Variants in CCNB3 observed in about 807,000 individuals in gnomAD.
CCNB3 encodes cyclin B3.
Under a neutral mutation model 68.0 loss-of-function variants are expected in CCNB3, and 12 were observed. The observed-to-expected ratio is 0.18, with a 90% CI of 0.11 to 0.29. CCNB3 has a LOEUF of 0.29. Ranked by LOEUF, CCNB3 falls within the 10% of genes least tolerant of loss-of-function variation. CCNB3 has a pLI of 1.00. For missense variants in CCNB3, 904 were observed against 993.1 expected (o/e 0.91, Z 1.21); for synonymous variants, 354 against 388.9 (o/e 0.91, Z 1.06).
chrX:50,208,700 G>T (rs1935419229), intron 1 of CCNB3, among the ~76,000 whole-genome samples: 1 of 111,810 alleles, frequency 8.9e-6, no homozygotes, highest in African/African-American at 3.3e-5. Flanking sequence ...TTGTTCTGTA[G>T]TTTTCCTATT....
At chrX:50,227,179 T>G (rs1935872306) in intron 1 of CCNB3, among the ~76,000 whole-genome samples, 1 of 81,877 alleles carries the variant, frequency 1.2e-5, no homozygotes, top group African/African-American at 4.8e-5. Context: ...ATATAGAATA[T>G]AAGTATAAAT....
upstream of CCNB3, among the ~76,000 whole-genome samples, chrX:50,204,170 A>G (rs1435040809): frequency 9.0e-6 from 1 of 111,674 alleles, no homozygotes; most frequent in Non-Finnish European, 1.9e-5. Flanking sequence ...GGCAGAAAAC[A>G]TAATTCAGAA....
At chrX:50,304,509 G>A (rs782260004) in intron 5 of CCNB3, among the ~76,000 whole-genome samples, 16 of 111,444 alleles carry the variant, frequency 1.4e-4, no homozygotes, top group Non-Finnish European at 2.1e-4. Flanking sequence ...AATTCAAGAT[G>A]GATTAAAGAC....
At chrX:50,279,969 T>G (rs1351515888) in intron 1 of CCNB3, among the ~76,000 whole-genome samples, 59 of 83,510 alleles carry the variant, frequency 7.1e-4, no homozygotes, top group African/African-American at 2.7e-3. Context: ...TGAGTATATA[T>G]ATAATATATG....
chrX:50,332,584 G>A, intron 8 of CCNB3, among the ~76,000 whole-genome samples: 1 of 111,550 alleles, frequency 9.0e-6, no homozygotes, highest in East Asian at 2.8e-4. Context: ...AGCAGGGCTT[G>A]TCGTCCTCAG....
intron 5 of CCNB3, among the ~76,000 whole-genome samples, chrX:50,306,773 A>G (rs1921099384): frequency 2.7e-5 from 3 of 111,955 alleles, no homozygotes; most frequent in African/African-American, 9.7e-5. Flanking sequence ...GTAGTATGCA[A>G]ATTGAATTTT....
intron 8 of CCNB3, among the ~76,000 whole-genome samples, chrX:50,336,525 C>A (rs1922861497): frequency 8.9e-6 from 1 of 112,278 alleles, no homozygotes; most frequent in South Asian, 3.7e-4. Context: ...ATCTTCCACA[C>A]TTTGACTAAG....
chrX:50,316,230 C>A (rs1314185267), intron 8 of CCNB3, among the ~76,000 whole-genome samples: 5 of 111,309 alleles, frequency 4.5e-5, no homozygotes, highest in African/African-American at 1.6e-4. Flanking sequence ...CCTCCTTCAC[C>A]TTTTTCCATG....
intron 5 of CCNB3, among the ~76,000 whole-genome samples, chrX:50,306,775 T>C (rs1211650048): frequency 7.3e-5 from 8 of 109,850 alleles, no homozygotes; most frequent in African/African-American, 2.6e-4. Flanking sequence ...AGTATGCAAA[T>C]TGAATTTTGA....
chrX:50,331,388 C>A (rs1922587893), intron 8 of CCNB3, among the ~76,000 whole-genome samples: 1 of 112,047 alleles, frequency 8.9e-6, no homozygotes, highest in Admixed American at 9.4e-5. Context: ...TTGAACTCCA[C>A]CAAGTGACTG....
chrX:50,307,815 A>G (rs1440395211), intron 5 of CCNB3, among the ~76,000 whole-genome samples: 3 of 111,161 alleles, frequency 2.7e-5, no homozygotes, highest in South Asian at 7.6e-4. Flanking sequence ...TTTAGAAGGT[A>G]TTTACTCCTG....
chrX:50,338,383 C>T (rs1922961397), intron 8 of CCNB3, among the ~76,000 whole-genome samples: 1 of 112,043 alleles, frequency 8.9e-6, no homozygotes, highest in South Asian at 3.8e-4. Context: ...GTGAGCAATT[C>T]CTATCCCTTT....
Position 50,310,750 on chromosome X carries a change from G to A in CCNB3, c.2581G>A (p.Ala861Thr), listed in dbSNP as rs1557214698. ...AGAAGCTCACTTTAAGGAAACTTTG[G>A]CCTTGCAGGAGAAGCCCAGCATTGA... ...DTEAHFKETL[A>T]LQEKPSIEQE... The change falls in exon 6 of 13, where the codon GCC becomes ACC. Residue 861 changes from alanine to threonine, a missense_variant. By Grantham distance (58) the Ala-to-Thr change is moderately conservative (BLOSUM62 0). Around this residue, in one of 2 missense-constraint regions of CCNB3, gnomAD observed 619 missense variants for 609.8 expected, o/e 1.02. Transcript: ENST00000376042. 11 of 1,209,232 alleles carry A rather than the reference G, an allele frequency of 9.1e-6. No individual in the cohort carries two copies. The highest frequency in any genetic ancestry group is 1.8e-5 in the African/African-American group (1 of 57,088).
intron 1 of CCNB3, among the ~76,000 whole-genome samples, chrX:50,213,850 CCT>C (rs1255423678): frequency 7.2e-5 from 8 of 110,534 alleles, no homozygotes; most frequent in Non-Finnish European, 1.3e-4. Flanking sequence ...AGCATAATCC[CCT>C]GTTTTATTTC....
chrX:50,349,491 G>A (rs1460395330), intron 11 of CCNB3, among the ~76,000 whole-genome samples: 2 of 112,287 alleles, frequency 1.8e-5, no homozygotes, highest in Admixed American at 9.4e-5. Flanking sequence ...AGAAGGTAGA[G>A]TAAATGAGAG....
intron 5 of CCNB3, among the ~76,000 whole-genome samples, chrX:50,303,594 CTGTT>C (rs1338189697): frequency 9.0e-6 from 1 of 110,518 alleles, no homozygotes. Flanking sequence ...GGAGGAATGT[CTGTT>C]TGGATCTTTT....
At chrX:50,349,503 G>T (rs1219929924) in intron 11 of CCNB3, among the ~76,000 whole-genome samples, 1 of 112,185 alleles carries the variant, frequency 8.9e-6, no homozygotes, top group Non-Finnish European at 1.9e-5. Context: ...AAATGAGAGA[G>T]AATATAAAGG....
rs183444616 is a variant in CCNB3 at position 50,310,051 on chromosome X, T to C, written c.1882T>C (p.Ser628Pro). Residue 628 changes from serine to proline, a missense_variant, in exon 6 of 13, where the codon TCT (serine) becomes CCT (proline). Around this residue, in one of 2 missense-constraint regions of CCNB3, gnomAD observed 619 missense variants for 609.8 expected, o/e 1.02. Coordinates refer to ENST00000376042, the MANE Select transcript of CCNB3 (RefSeq NM_033031.3). ...YKKLLPFKMK[S>P]TTEEKFLSQE... The stretch of plus-strand genomic sequence containing the variant: ...GAAGCTGTTGCCCTTTAAGATGAAA[T>C]CTACAACGGAAGAAAAGTTCCTCTC... 1 of 1,207,742 alleles carries C rather than the reference T, an allele frequency of 8.3e-7. No individual in the cohort carries two copies. Among genetic ancestry groups the C allele is most frequent in the East Asian group, 3.0e-5 (1 of 33,680 alleles).
intron 1 of CCNB3, among the ~76,000 whole-genome samples, chrX:50,207,836 C>T (rs1262760531): frequency 2.5e-4 from 28 of 111,475 alleles, no homozygotes; most frequent in African/African-American, 7.5e-4. Flanking sequence ...AGTTGTACAA[C>T]CATTACCATA....
Sources: gnomAD v4.1 joint callset for allele counts (sites outside exome capture counted in the v4.1 genomes callset) on GRCh38, gnomAD v4.1.1 for gene constraint, gnomAD v4.1.1 regional missense constraint, MANE v1.5 for transcripts, NCBI Gene and HGNC (gene_info 2026-07-23, HGNC 2026-07-21) for gene names.